The following PTPRG variants were observed in gnomAD, a reference collection of about 807,000 sequenced individuals.
PTPRG encodes the protein receptor-type tyrosine-protein phosphatase gamma.
PTPRG carries 102 observed loss-of-function variants against 165.3 expected under a neutral mutation model. The observed-to-expected ratio is 0.62, with a 90% CI of 0.53 to 0.73. The LOEUF is 0.73. Ranked by LOEUF, PTPRG falls within the 30% of genes least tolerant of loss-of-function variation. The pLI is 0.00. For missense variants in PTPRG, 1,866 were observed against 1,861.4 expected (o/e 1.00, Z -0.05); for synonymous variants, 675 against 669.5 (o/e 1.01, Z -0.13).
At position 61,932,661 on chromosome 3, in the gene PTPRG, A is replaced by T. The variant is rs148936355; in HGVS notation, c.191-56964A>T. Among the ~76,000 whole-genome samples the T allele has an allele frequency of 1.3e-3, 195 of 152,286 alleles. 1 individual carries two copies. Among genetic ancestry groups the T allele is most frequent in the Non-Finnish European group, 1.7e-3 (114 of 68,018 alleles). On this transcript the variant is annotated intron_variant, in intron 2 of 29. Coordinates refer to ENST00000474889, the MANE Select transcript of PTPRG (RefSeq NM_002841.4). ...CAGCTGAGGGCATGGAAGCCCAGAG[A>T]GGTCATGACACTTGGCAGAATTGCA... is the stretch of plus-strand genomic sequence containing the variant.
In PTPRG at chr3:61,822,017, A is replaced by AT. The variant is rs1483341704; in HGVS notation, c.190+73037dup. Among the ~76,000 whole-genome samples, 7 of 152,204 alleles carry AT rather than the reference A, an allele frequency of 4.6e-5. No individual in the cohort carries two copies. In the East Asian group the frequency reaches 1.2e-3, roughly 25 times the overall value. On this transcript the variant is annotated intron_variant, in intron 2 of 29. Transcript: ENST00000474889. Reference sequence around the variant, plus strand: ...CTATCTTCCTCCTTCATCATCAGGGATTAAGTAACTGCACCATGGACAATG... The same window carrying AT: ...CTATCTTCCTCCTTCATCATCAGGGATTTAAGTAACTGCACCATGGACAATG...
At chr3:61,878,054 A>G (rs2037792091) in intron 2 of PTPRG, among the ~76,000 whole-genome samples, 1 of 152,200 alleles carries the variant, frequency 6.6e-6, no homozygotes, top group African/African-American at 2.4e-5. Context: ...GATTTTTTGT[A>G]TGAGATAATT....
chr3:62,062,925 A>C (rs1213721379), intron 4 of PTPRG, among the ~76,000 whole-genome samples: 1 of 152,156 alleles, frequency 6.6e-6, no homozygotes, highest in Non-Finnish European at 1.5e-5. Context: ...GAGTGCTGGG[A>C]TTACAGGCAT....
rs75067344 is a variant in PTPRG, at chr3:62,037,231, G to T, written c.519+33734G>T. Among the ~76,000 whole-genome samples the T allele has an allele frequency of 6.1e-3, 926 of 152,266 alleles. 12 individuals are homozygous for T. The highest frequency in any genetic ancestry group is 0.021 in the African/African-American group (883 of 41,544). Reference sequence around the variant, plus strand: ...GTGGCTGGCCCCATAGGTCATATAAGGATACATTTGCTCATATGGAAACAA... The same window carrying T: ...GTGGCTGGCCCCATAGGTCATATAATGATACATTTGCTCATATGGAAACAA... On this transcript the variant is annotated intron_variant, in intron 4 of 29. Transcript: ENST00000474889.
chr3:61,853,182 G>A (rs1414503511), intron 2 of PTPRG, among the ~76,000 whole-genome samples: 2 of 152,180 alleles, frequency 1.3e-5, no homozygotes, highest in Admixed American at 6.6e-5. Context: ...ATTAAAGCAG[G>A]GAAGGGGGGT....
At chr3:61,784,414 A>G (rs2034634753) in intron 2 of PTPRG, among the ~76,000 whole-genome samples, 1 of 152,208 alleles carries the variant, frequency 6.6e-6, no homozygotes, top group African/African-American at 2.4e-5. Context: ...GATTCTATAA[A>G]GACATAGTTT....
intron 2 of PTPRG, among the ~76,000 whole-genome samples, chr3:61,971,904 C>T (rs949679752): frequency 4.6e-5 from 7 of 152,180 alleles, no homozygotes; most frequent in Non-Finnish European, 7.3e-5. Context: ...AGTGAAACTG[C>T]GTTGTTATTT....
At chr3:61,821,359 C>T (rs569510198) in intron 2 of PTPRG, among the ~76,000 whole-genome samples, 28 of 152,108 alleles carry the variant, frequency 1.8e-4, no homozygotes, top group African/African-American at 6.3e-4. Flanking sequence ...TTAGTAGAGA[C>T]GGGGTTTTAC....
intron 2 of PTPRG, among the ~76,000 whole-genome samples, chr3:61,874,318 T>A (rs1243449151): frequency 6.6e-6 from 1 of 152,184 alleles, no homozygotes; most frequent in Non-Finnish European, 1.5e-5. Flanking sequence ...GTTGACCACG[T>A]CTTACCAAAT....
intron 5 of PTPRG, among the ~76,000 whole-genome samples, chr3:62,125,362 G>C (rs1206569067): frequency 6.6e-6 from 1 of 152,254 alleles, no homozygotes; most frequent in East Asian, 1.9e-4. Flanking sequence ...TCCCCACTCA[G>C]TGTTTTCTGG....
At chr3:62,282,523 C>T (rs1702489056) in intron 27 of PTPRG, among the ~76,000 whole-genome samples, 1 of 150,360 alleles carries the variant, frequency 6.7e-6, no homozygotes, top group Non-Finnish European at 1.5e-5. Flanking sequence ...ACCACTATGC[C>T]TAGCCATGCT....
intron 13 of PTPRG, among the ~76,000 whole-genome samples, chr3:62,230,387 C>T (rs1700872573): frequency 6.6e-6 from 1 of 152,102 alleles, no homozygotes; most frequent in South Asian, 2.1e-4. Context: ...CTCAACAGAA[C>T]TTCCAAAAAA....
chr3:61,791,655 T>C (rs976236149), intron 2 of PTPRG, among the ~76,000 whole-genome samples: 1 of 152,194 alleles, frequency 6.6e-6, no homozygotes, highest in Non-Finnish European at 1.5e-5. Context: ...GCCTGGCTAA[T>C]GTTTATATTT....
At chr3:61,858,980 C>T (rs1006460821) in intron 2 of PTPRG, among the ~76,000 whole-genome samples, 2 of 151,854 alleles carry the variant, frequency 1.3e-5, no homozygotes, top group Non-Finnish European at 2.9e-5. Context: ...GTATGCAGAG[C>T]ATGATCAAAG....
At chr3:62,185,072 C>G (rs1380466067) in intron 8 of PTPRG, among the ~76,000 whole-genome samples, 1 of 152,044 alleles carries the variant, frequency 6.6e-6, no homozygotes, top group Non-Finnish European at 1.5e-5. Flanking sequence ...AGAAAATATC[C>G]TTGACATTGA....
intron 2 of PTPRG, among the ~76,000 whole-genome samples, chr3:61,756,944 A>C (rs2033653849): frequency 6.6e-6 from 1 of 152,188 alleles, no homozygotes; most frequent in Admixed American, 6.5e-5. Flanking sequence ...AAAATGTTAA[A>C]TACTGCTCAT....
chr3:62,084,573 C>T (rs1701683910), intron 5 of PTPRG, among the ~76,000 whole-genome samples: 1 of 152,188 alleles, frequency 6.6e-6, no homozygotes, highest in Non-Finnish European at 1.5e-5. Flanking sequence ...TTTTCTCCAT[C>T]TGGAGAGGCT....
chr3:61,988,484 T>G (rs2040813032), intron 2 of PTPRG, among the ~76,000 whole-genome samples: 1 of 152,132 alleles, frequency 6.6e-6, no homozygotes, highest in African/African-American at 2.4e-5. Context: ...AGGCTAGTAG[T>G]TAGACTTACC....
chr3:61,887,170 A>AT (rs869308871), intron 2 of PTPRG, among the ~76,000 whole-genome samples: 1 of 115,524 alleles, frequency 8.7e-6, no homozygotes, highest in Non-Finnish European at 1.8e-5. Context: ...ATATATATAT[A>AT]TTTTTAATGC....
Sources: allele counts gnomAD v4.1 joint callset (sites outside exome capture counted in the v4.1 genomes callset), GRCh38; gene constraint gnomAD v4.1.1; transcripts MANE v1.5; gene names NCBI Gene and HGNC (gene_info 2026-07-23, HGNC 2026-07-21).